VPS13B: variants seen among roughly 807,000 people sequenced by gnomAD.
The protein encoded by VPS13B is intermembrane lipid transfer protein VPS13B.
VPS13B carries 285 observed loss-of-function variants against 426.4 expected under a neutral mutation model. The ratio of observed to expected loss-of-function variants is 0.67; its 90% CI spans 0.61 to 0.74. VPS13B has a LOEUF of 0.74. VPS13B is among the 30% of genes least tolerant of loss of function. The pLI is 0.00. For synonymous variants in VPS13B, 1,676 were observed against 1,676.4 expected, an observed-to-expected ratio of 1.00 and a Z score of 0.01; for missense variants, 4,537 against 4,782.6, an observed-to-expected ratio of 0.95 and a Z score of 1.51.
chr8:99,188,390 T>C (rs1813341807), intron 16 of VPS13B, among the ~76,000 whole-genome samples: 1 of 152,228 alleles, frequency 6.6e-6, no homozygotes, highest in Non-Finnish European at 1.5e-5. Flanking sequence ...GGTTCATCCA[T>C]GTTATATAGC....
intron 33 of VPS13B, among the ~76,000 whole-genome samples, chr8:99,621,820 C>CTTTTTTTTTTTTTT (rs749078781): frequency 4.8e-5 from 4 of 83,236 alleles, no homozygotes; most frequent in African/African-American, 9.7e-5. Context: ...TGTTTTGTTT[C>CTTTTTTTTTTTTTT]TTTTTTTTTT....
chr8:99,213,148 G>A (rs762810771), intron 17 of VPS13B, among the ~76,000 whole-genome samples: 9 of 152,090 alleles, frequency 5.9e-5, no homozygotes, highest in Admixed American at 1.3e-4. Flanking sequence ...GTAATATGGC[G>A]TGTGTTTTTT....
At chr8:99,852,807 A>T (rs1372984661) in intron 55 of VPS13B, among the ~76,000 whole-genome samples, 1 of 152,066 alleles carries the variant, frequency 6.6e-6, no homozygotes, top group African/African-American at 2.4e-5. Context: ...GAGTGGAGTC[A>T]TGAGGGATTT....
At chr8:99,431,444 C>T (rs912096665) in intron 21 of VPS13B, 93 bp from the exon 22 acceptor site, 1 of 1,456,536 alleles carries the variant, frequency 6.9e-7, no homozygotes, top group Non-Finnish European at 9.4e-7. Flanking sequence ...TAATTTTAAG[C>T]AAGGAAAGAA....
chr8:99,719,620 C>T (rs1833057461), intron 37 of VPS13B, among the ~76,000 whole-genome samples: 1 of 152,114 alleles, frequency 6.6e-6, no homozygotes, highest in Non-Finnish European at 1.5e-5. Context: ...AGAAAATTAA[C>T]ATTTTTGAAA....
intron 30 of VPS13B, 80 bp downstream of exon 30, chr8:99,521,090 C>A (rs1822360520): frequency 1.8e-6 from 2 of 1,131,876 alleles, no homozygotes; most frequent in Non-Finnish European, 2.7e-6. Flanking sequence ...CTTAGTGTGG[C>A]CTGTAGAAAT....
intron 16 of VPS13B, among the ~76,000 whole-genome samples, chr8:99,174,724 G>A (rs1205773083): frequency 1.3e-5 from 2 of 152,184 alleles, no homozygotes; most frequent in South Asian, 2.1e-4. Flanking sequence ...ATATTGCAGG[G>A]TCCTGGCTGG....
At chr8:99,818,375 A>G in intron 45 of VPS13B, 76 bp from the exon 46 acceptor site, 3 of 1,367,592 alleles carry the variant, frequency 2.2e-6, no homozygotes, top group Non-Finnish European at 3.1e-6. Context: ...TTCCAAACTG[A>G]TGTATCTGTG....
At chr8:99,752,075 G>A (rs2130544191) in intron 39 of VPS13B, among the ~76,000 whole-genome samples, 1 of 152,208 alleles carries the variant, frequency 6.6e-6, no homozygotes, top group Non-Finnish European at 1.5e-5. Context: ...GACTGGGTTT[G>A]TGGCATGCGC....
Position 99,569,579 on chromosome 8 carries a change from A to G in VPS13B, c.4950-6079A>G, listed in dbSNP as rs74711983. ...CTACTTCTGGTCTTTCATAATATGC[A>G]GTTTTTGAAGTGTGATTCTTAAACT... On this transcript the variant is annotated intron_variant, in intron 31 of 61. Coordinates refer to ENST00000357162, the MANE Select transcript of VPS13B (RefSeq NM_152564.5). 4.4e-3 allele frequency among the ~76,000 whole-genome samples: 672 copies of G among 152,284 alleles called. 7 individuals are homozygous for G. Among genetic ancestry groups the G allele is most frequent in the African/African-American group, 0.015 (638 of 41,556 alleles).
chr8:99,212,570 T>C (rs1330056227), intron 17 of VPS13B, among the ~76,000 whole-genome samples: 3 of 152,168 alleles, frequency 2.0e-5, no homozygotes, highest in Non-Finnish European at 4.4e-5. Context: ...CTCAGAGAAA[T>C]AGAGTCAGAG....
At chr8:99,390,124 G>C (rs1814349801) in intron 20 of VPS13B, among the ~76,000 whole-genome samples, 1 of 149,108 alleles carries the variant, frequency 6.7e-6, no homozygotes, top group Non-Finnish European at 1.5e-5. Flanking sequence ...TTGAGATGGA[G>C]TCTCACTCTG....
At chr8:99,077,908 G>A (rs1845221805) in intron 3 of VPS13B, among the ~76,000 whole-genome samples, 1 of 151,950 alleles carries the variant, frequency 6.6e-6, no homozygotes, top group Admixed American at 6.6e-5. Flanking sequence ...AAAGAAAAAA[G>A]TTATCTTAAA....
chr8:99,195,723 G>A (rs903457454), intron 17 of VPS13B, among the ~76,000 whole-genome samples: 2 of 152,114 alleles, frequency 1.3e-5, no homozygotes, highest in African/African-American at 4.8e-5. Flanking sequence ...AATCCCTTCT[G>A]AATTGGTTTT....
chr8:99,637,703 T>A (rs976233706), intron 33 of VPS13B, among the ~76,000 whole-genome samples: 2 of 152,126 alleles, frequency 1.3e-5, no homozygotes, highest in African/African-American at 2.4e-5. Flanking sequence ...GGTGGTTTGT[T>A]GTTTTATGTT....
chr8:99,209,543 T>C (rs551968132), intron 17 of VPS13B: 19 of 226,232 alleles, frequency 8.4e-5, no homozygotes, highest in Non-Finnish European at 1.6e-4. Flanking sequence ...TTTTCACTAC[T>C]ATTATGAATT....
intron 36 of VPS13B, among the ~76,000 whole-genome samples, chr8:99,714,334 A>T (rs2130296629): frequency 6.6e-6 from 1 of 152,256 alleles, no homozygotes; most frequent in East Asian, 1.9e-4. Context: ...ATGGGGTAGA[A>T]GGGACAGCTG....
chr8:99,191,574 G>A (rs1057023666), intron 16 of VPS13B, among the ~76,000 whole-genome samples: 5 of 151,608 alleles, frequency 3.3e-5, no homozygotes, highest in African/African-American at 1.2e-4. Context: ...GCTAGAGACG[G>A]GGTTTCACCA....
intron 17 of VPS13B, among the ~76,000 whole-genome samples, chr8:99,251,436 T>C (rs965184147): frequency 1.3e-5 from 2 of 152,198 alleles, no homozygotes; most frequent in Non-Finnish European, 2.9e-5. Context: ...GGATTTTTCT[T>C]CTTTAGCCTG....
Sources: gnomAD v4.1 joint callset for allele counts (sites outside exome capture counted in the v4.1 genomes callset) on GRCh38, gnomAD v4.1.1 for gene constraint, MANE v1.5 for transcripts, NCBI Gene and HGNC (gene_info 2026-07-23, HGNC 2026-07-21) for gene names.